COL4A2: variants seen among roughly 807,000 people sequenced by gnomAD.
COL4A2 encodes collagen type IV alpha 2 chain, also known as collagen alpha-2(IV) chain.
Under a neutral mutation model 200.2 loss-of-function variants are expected in COL4A2, and 99 were observed. The observed-to-expected ratio is 0.49, with a 90% CI of 0.42 to 0.58. The LOEUF (loss-of-function observed/expected upper bound fraction) is 0.58. Among genes scored for constraint, COL4A2 ranks in the 20% least tolerant of loss-of-function variants. COL4A2 has a pLI of 0.00. For missense variants in COL4A2, 1,950 were observed against 2,314.1 expected (o/e 0.84, Z 3.23); for synonymous variants, 897 against 900.6 (o/e 1.00, Z 0.07).
intron 4 of COL4A2, among the ~76,000 whole-genome samples, chr13:110,400,250 A>G (rs1879325076): frequency 6.6e-6 from 1 of 152,246 alleles, no homozygotes; most frequent in Non-Finnish European, 1.5e-5. Context: ...TCAGATACCT[A>G]CTACAGAAAA....
chr13:110,318,111 T>G (rs1819945975), intron 3 of COL4A2, among the ~76,000 whole-genome samples: 1 of 152,234 alleles, frequency 6.6e-6, no homozygotes, highest in African/African-American at 2.4e-5. Context: ...TTTTCCTTTC[T>G]GAGAATGCTT....
chr13:110,368,143 G>A (rs1422277404), intron 4 of COL4A2, among the ~76,000 whole-genome samples: 1 of 152,186 alleles, frequency 6.6e-6, no homozygotes, highest in East Asian at 1.9e-4. Flanking sequence ...CCGTATTCAG[G>A]AAGGACAGAA....
At chr13:110,398,921 C>A (rs1334052054) in intron 4 of COL4A2, among the ~76,000 whole-genome samples, 1 of 151,644 alleles carries the variant, frequency 6.6e-6, no homozygotes, top group Non-Finnish European at 1.5e-5. Flanking sequence ...TTATATATAA[C>A]TGTATCTTTT....
chr13:110,424,739 G>A lies in COL4A2; in HGVS notation c.186G>A (p.Gln62=). Residue 62 remains glutamine (Q), a synonymous_variant, in exon 5 of 48, where the codon CAG becomes CAA. Coordinates refer to ENST00000360467, the MANE Select transcript of COL4A2 (RefSeq NM_001846.4). ...QCYPEKGGRG[Q]PGPVGPQGYN... ...AACCTTTGTTGTTCCCACAGGGTCA[G>A]CCTGGGCCAGTGGGCCCCCAGGGGT... The A allele has an allele frequency of 6.2e-7, 1 of 1,605,822 alleles. No individual in the cohort carries two copies. The highest frequency in any genetic ancestry group is 2.2e-5 in the East Asian group (1 of 44,820).
At chr13:110,357,769 A>C (rs1472619258) in intron 4 of COL4A2, among the ~76,000 whole-genome samples, 1 of 152,194 alleles carries the variant, frequency 6.6e-6, no homozygotes, top group African/African-American at 2.4e-5. Flanking sequence ...GTACGTAGGC[A>C]GTTGCGACAC....
chr13:110,466,655 G>A lies in COL4A2; in HGVS notation c.2039-385G>A, dbSNP rs565760784. On this transcript the variant is annotated intron_variant, in intron 26 of 47. Transcript: ENST00000360467. ...AAGTCAAATAATTCATTTTGAAATC[G>A]CAGGCTATCTCCATTGCTGGCAGAT... is the stretch of plus-strand genomic sequence containing the variant. Among the ~76,000 whole-genome samples, 19 of 152,270 alleles carry A rather than the reference G, an allele frequency of 1.2e-4. No individual in the cohort carries two copies. The South Asian group carries it at 2.1e-3, about 17-fold the overall frequency.
chr13:110,335,482 C>T (rs140063652), intron 3 of COL4A2, among the ~76,000 whole-genome samples: 63 of 152,266 alleles, frequency 4.1e-4, no homozygotes, highest in South Asian at 8.3e-4. Context: ...CCATGTAAGA[C>T]GTGCCTTTTG....
chr13:110,459,498 A>G (rs966894280), intron 22 of COL4A2: 2 of 127,286 alleles, frequency 1.6e-5, no homozygotes, highest in Non-Finnish European at 3.1e-5. Context: ...ATGGTCTCTC[A>G]TTCTATTCTT....
intron 33 of COL4A2, 130 bp downstream of exon 33, chr13:110,485,157 G>A: frequency 2.6e-6 from 2 of 765,440 alleles, no homozygotes; most frequent in Middle Eastern, 4.1e-4. Context: ...TTCATCTCTG[G>A]GCGCCCTGTG....
At chr13:110,406,641 T>TC (rs1468572572) in intron 4 of COL4A2, among the ~76,000 whole-genome samples, 2 of 151,802 alleles carry the variant, frequency 1.3e-5, no homozygotes, top group African/African-American at 4.8e-5. Flanking sequence ...CTCTTTTTTT[T>TC]TTCTTGGTAA....
At chr13:110,465,636 A>G (rs1390657475) in intron 25 of COL4A2, 30 bp downstream of exon 25, 3 of 1,562,336 alleles carry the variant, frequency 1.9e-6, no homozygotes, top group Non-Finnish European at 2.6e-6. Context: ...TTTACCTTTC[A>G]CAGTCCTGAG....
In COL4A2 at chr13:110,472,923, T is replaced by C. The variant is rs1009978799; in HGVS notation, c.2204-6T>C. The C allele has an allele frequency of 1.2e-5, 19 of 1,552,620 alleles. No individual in the cohort carries two copies. Among genetic ancestry groups the C allele is most frequent in the Non-Finnish European group, 1.7e-5 (19 of 1,147,666 alleles). ...TGGTTTGGGGCCCACCCATGTTTCC[T>C]TTTAGGGTTCATAGGACCCCGAGGA... On this transcript the variant is annotated splice_polypyrimidine_tract_variant and splice_region_variant and intron_variant, in intron 28 of 47. Transcript: ENST00000360467.
At chr13:110,458,422 C>T (rs1881866575) in intron 21 of COL4A2, 1 of 322,638 alleles carries the variant, frequency 3.1e-6, no homozygotes, top group Admixed American at 4.9e-5. Context: ...CCTTGGCCCG[C>T]AGGCCCAGTG....
At chr13:110,417,289 T>C (rs566753475) in intron 4 of COL4A2, among the ~76,000 whole-genome samples, 1 of 152,362 alleles carries the variant, frequency 6.6e-6, no homozygotes, top group Admixed American at 6.5e-5. Flanking sequence ...TTCGGCTAAG[T>C]GTTTTTTTCC....
At chr13:110,475,708 G>T (rs563225068) in intron 29 of COL4A2, among the ~76,000 whole-genome samples, 2 of 152,228 alleles carry the variant, frequency 1.3e-5, no homozygotes, top group African/African-American at 2.4e-5. Context: ...AGCGTGCAGC[G>T]GGTCCTGCTT....
At position 110,407,330 on chromosome 13, in the gene COL4A2, C is replaced by T. The variant is rs968226339; in HGVS notation, c.181-17404C>T. Among the ~76,000 whole-genome samples, 64 of 152,150 alleles carry T rather than the reference C, an allele frequency of 4.2e-4. 2 individuals carry two copies. Among genetic ancestry groups the T allele is most frequent in the Admixed American group, 4.0e-3 (61 of 15,280 alleles). On this transcript the variant is annotated intron_variant, in intron 4 of 47. Transcript: ENST00000360467. Reference sequence around the variant, plus strand: ...CGTCAGTTCAGTTCACCAGGAGAAACGTGGAAAGGCCAGTGTAGCGAGGAG... The same window carrying T: ...CGTCAGTTCAGTTCACCAGGAGAAATGTGGAAAGGCCAGTGTAGCGAGGAG...
At chr13:110,389,626 G>A (rs772671027) in intron 4 of COL4A2, among the ~76,000 whole-genome samples, 9 of 152,116 alleles carry the variant, frequency 5.9e-5, no homozygotes, top group Non-Finnish European at 8.8e-5. Flanking sequence ...ACATCAAATC[G>A]ACTGTAGGCT....
intron 29 of COL4A2, among the ~76,000 whole-genome samples, chr13:110,474,760 A>ATGT (rs1332716741): frequency 0.025 from 1,374 of 53,892 alleles, 218 homozygotes; most frequent in African/African-American, 0.03. Flanking sequence ...ACACTCACAC[A>ATGT]TCACACACGC....
intron 3 of COL4A2, among the ~76,000 whole-genome samples, chr13:110,309,658 A>G (rs970465744): frequency 2.0e-5 from 3 of 152,288 alleles, no homozygotes; most frequent in South Asian, 2.1e-4. Flanking sequence ...TCATCCTAAA[A>G]TTGGTAGAAA....
Sources: allele counts gnomAD v4.1 joint callset (sites outside exome capture counted in the v4.1 genomes callset), GRCh38; gene constraint gnomAD v4.1.1; transcripts MANE v1.5; gene names NCBI Gene and HGNC (gene_info 2026-07-23, HGNC 2026-07-21).